The following PLCB4 variants were observed in gnomAD, a reference collection of about 807,000 sequenced individuals.
The protein encoded by PLCB4 is phospholipase C beta 4.
A neutral mutation model predicts 178.8 loss-of-function variants in PLCB4; 77 were observed. The ratio of observed to expected loss-of-function variants is 0.43; its 90% confidence interval spans 0.36 to 0.52. PLCB4 has a LOEUF of 0.52. Among genes scored for constraint, PLCB4 ranks in the 20% least tolerant of loss-of-function variants. The probability of loss-of-function intolerance (pLI) is 0.00; values close to 1 mark genes in which losing one functional copy is unlikely to be tolerated. For synonymous variants in PLCB4, 496 were observed against 490.8 expected (o/e 1.01, Z -0.14); for missense variants, 1,024 against 1,453.4 (o/e 0.70, Z 4.80).
intron 10 of PLCB4, among the ~76,000 whole-genome samples, chr20:9,371,600 G>A (rs1219728481): frequency 6.6e-6 from 1 of 152,040 alleles, no homozygotes; most frequent in Non-Finnish European, 1.5e-5. Flanking sequence ...GGAAATGAAG[G>A]CCAGCTTGCT....
At chr20:9,253,953 T>G (rs1380406747) in intron 3 of PLCB4, among the ~76,000 whole-genome samples, 1 of 152,178 alleles carries the variant, frequency 6.6e-6, no homozygotes. Context: ...GTGCCATCAG[T>G]GCAAACAAAG....
chr20:9,328,952 A>T (rs1448804052), intron 4 of PLCB4, among the ~76,000 whole-genome samples: 1 of 152,190 alleles, frequency 6.6e-6, no homozygotes, highest in Non-Finnish European at 1.5e-5. Flanking sequence ...AATGAACTTA[A>T]GGAGGGGGTA....
chr20:9,394,799 C>A (rs2038435731), intron 18 of PLCB4, among the ~76,000 whole-genome samples: 1 of 152,114 alleles, frequency 6.6e-6, no homozygotes, highest in South Asian at 2.1e-4. Flanking sequence ...GAAAGTTCTA[C>A]CACCTTAGAC....
intron 3 of PLCB4, among the ~76,000 whole-genome samples, chr20:9,256,602 A>G (rs2094238744): frequency 6.6e-6 from 1 of 152,222 alleles, no homozygotes; most frequent in African/African-American, 2.4e-5. Flanking sequence ...GTTGCACACC[A>G]TCTGCTGAGG....
intron 32 of PLCB4, among the ~76,000 whole-genome samples, chr20:9,446,515 C>G (rs987185582): frequency 1.3e-5 from 2 of 152,220 alleles, no homozygotes; most frequent in African/African-American, 4.8e-5. Flanking sequence ...CCGGCCCAAG[C>G]TAACTTCTAA....
intron 2 of PLCB4, among the ~76,000 whole-genome samples, chr20:9,215,702 A>G (rs969601844): frequency 6.6e-6 from 1 of 152,200 alleles, no homozygotes; most frequent in African/African-American, 2.4e-5. Context: ...GGTTAAAATC[A>G]AAGACCTTAC....
At chr20:9,412,715 A>C (rs2039943272) in intron 25 of PLCB4, among the ~76,000 whole-genome samples, 1 of 152,066 alleles carries the variant, frequency 6.6e-6, no homozygotes, top group Non-Finnish European at 1.5e-5. Flanking sequence ...TGCCTTCAGC[A>C]ATAATCCTAT....
intron 1 of PLCB4, among the ~76,000 whole-genome samples, chr20:9,087,797 C>T (rs1161831758): frequency 6.6e-6 from 1 of 152,232 alleles, no homozygotes; most frequent in African/African-American, 2.4e-5. Context: ...CTTGCAGGTC[C>T]ATTGGCATCA....
intron 2 of PLCB4, among the ~76,000 whole-genome samples, chr20:9,186,023 C>T (rs1205597068): frequency 6.6e-6 from 1 of 152,132 alleles, no homozygotes; most frequent in Non-Finnish European, 1.5e-5. Context: ...AATGTAAGTG[C>T]CATAGTGGTG....
intron 3 of PLCB4, among the ~76,000 whole-genome samples, chr20:9,267,864 G>T (rs1157400280): frequency 1.3e-5 from 2 of 152,138 alleles, no homozygotes; most frequent in African/African-American, 4.8e-5. Flanking sequence ...GAGTGGGTCT[G>T]TGGCTTCAGA....
chr20:9,092,193 T>C (rs1308469438), intron 1 of PLCB4, among the ~76,000 whole-genome samples: 1 of 152,330 alleles, frequency 6.6e-6, no homozygotes, highest in Middle Eastern at 3.4e-3. Context: ...GTTAAGACTG[T>C]CTTAACTTAG....
At chr20:9,227,719 C>T (rs866702574) in intron 3 of PLCB4, among the ~76,000 whole-genome samples, 63 of 152,230 alleles carry the variant, frequency 4.1e-4, no homozygotes, top group African/African-American at 1.5e-3. Context: ...GTTTTTATTA[C>T]TGTGTCTTTT....
rs1049698709 is a variant in PLCB4 at position 9,393,546 on chromosome 20, G to T, written c.1324-42G>T. 6 of 1,334,088 alleles carry T rather than the reference G, an allele frequency of 4.5e-6. No individual in the cohort carries two copies. In the South Asian group the frequency reaches 7.1e-5, roughly 16 times the overall value. 82.6% of individuals were successfully genotyped at this position (1,334,088 alleles called of 1,614,324 possible). ...CTGGACTGGGAAGGAGAATGGAGAA[G>T]CACAGCCCTTCCTTAATTCAGCTCT... On this transcript the variant is annotated intron_variant, in intron 17 of 39. Transcript: ENST00000378473.
At chr20:9,255,187 G>C (rs1250750601) in intron 3 of PLCB4, among the ~76,000 whole-genome samples, 3 of 152,150 alleles carry the variant, frequency 2.0e-5, no homozygotes, top group Non-Finnish European at 4.4e-5. Context: ...TATGGCCCTA[G>C]GCAGAGTTCC....
At chr20:9,430,475 C>T (rs1238248962) in intron 28 of PLCB4, among the ~76,000 whole-genome samples, 1 of 152,216 alleles carries the variant, frequency 6.6e-6, no homozygotes, top group Non-Finnish European at 1.5e-5. Flanking sequence ...GCAAATAAAA[C>T]ATCTCAAATA....
intron 3 of PLCB4, among the ~76,000 whole-genome samples, chr20:9,250,041 A>G (rs2094164187): frequency 6.6e-6 from 1 of 152,260 alleles, no homozygotes; most frequent in Non-Finnish European, 1.5e-5. Flanking sequence ...ATAAGAGAAT[A>G]GTGTCTTCAT....
chr20:9,084,449 A>G (rs2090305429), intron 1 of PLCB4, among the ~76,000 whole-genome samples: 1 of 152,164 alleles, frequency 6.6e-6, no homozygotes, highest in African/African-American at 2.4e-5. Context: ...TAACATATTA[A>G]CAGTAGTCTA....
intron 3 of PLCB4, among the ~76,000 whole-genome samples, chr20:9,284,189 C>A (rs961101752): frequency 3.3e-5 from 5 of 151,846 alleles, no homozygotes; most frequent in Admixed American, 2.6e-4. Context: ...TGGTGAGATG[C>A]CATTTTGTTC....
At chr20:9,381,684 G>A (rs2037154803) in intron 13 of PLCB4, among the ~76,000 whole-genome samples, 1 of 152,212 alleles carries the variant, frequency 6.6e-6, no homozygotes. Flanking sequence ...TCATTTTCAA[G>A]TGTGGGTGAG....
Sources: allele counts gnomAD v4.1 joint callset (sites outside exome capture counted in the v4.1 genomes callset), GRCh38; gene constraint gnomAD v4.1.1; transcripts MANE v1.5; gene names NCBI Gene and HGNC (gene_info 2026-07-23, HGNC 2026-07-21).